Variants in CHAF1B observed in about 807,000 individuals in gnomAD.
The protein encoded by CHAF1B is CAF-1 subunit B.
A neutral mutation model predicts 60.7 loss-of-function variants in CHAF1B; 10 were observed. The ratio of observed to expected loss-of-function variants is 0.16; its 90% CI spans 0.10 to 0.28. CHAF1B has a LOEUF of 0.28. CHAF1B is among the 10% of genes least tolerant of loss of function. The pLI is 1.00. For missense variants in CHAF1B, 558 were observed against 708.4 expected (o/e 0.79, Z 2.41); for synonymous variants, 261 against 266.1 (o/e 0.98, Z 0.19).
intron 8 of CHAF1B, among the ~76,000 whole-genome samples, chr21:36,408,183 C>T (rs988917276): frequency 6.6e-6 from 1 of 152,114 alleles, no homozygotes; most frequent in Non-Finnish European, 1.5e-5. Context: ...CAGGGCTGAA[C>T]TGTTTTAAGT....
chr21:36,412,837 G>A (rs1278357854), intron 11 of CHAF1B, 47 bp from the exon 12 acceptor site: 2 of 1,553,276 alleles, frequency 1.3e-6, no homozygotes, highest in South Asian at 1.2e-5. Flanking sequence ...AAGTAGATGT[G>A]AGAGTGTTGG....
chr21:36,415,223 G>T, intron 12 of CHAF1B, 72 bp from the exon 13 acceptor site: 1 of 894,370 alleles, frequency 1.1e-6, no homozygotes, highest in Non-Finnish European at 1.8e-6. Context: ...TTTGAAGGTT[G>T]GTATCATACA....
intron 7 of CHAF1B, among the ~76,000 whole-genome samples, chr21:36,401,586 A>G (rs1162026638): frequency 1.9e-4 from 22 of 115,402 alleles, no homozygotes; most frequent in Admixed American, 4.0e-4. Context: ...TTTATATTAT[A>G]CATAATATAT....
intron 13 of CHAF1B, chr21:36,415,758 T>C (rs1353134725): frequency 2.4e-6 from 1 of 421,010 alleles, no homozygotes; most frequent in Non-Finnish European, 4.5e-6. Flanking sequence ...CTTTTTTTTT[T>C]TTTCTTTTTT....
intron 8 of CHAF1B, among the ~76,000 whole-genome samples, chr21:36,408,159 G>A (rs746524368): frequency 1.3e-5 from 2 of 152,180 alleles, no homozygotes; most frequent in Non-Finnish European, 2.9e-5. Context: ...AGCAGTGTAT[G>A]ATGGTCACTC....
At chr21:36,408,097 G>C (rs1463935215) in intron 8 of CHAF1B, among the ~76,000 whole-genome samples, 2 of 152,188 alleles carry the variant, frequency 1.3e-5, no homozygotes, top group Non-Finnish European at 2.9e-5. Context: ...AAAGTTACGT[G>C]TGTGTATATG....
At chr21:36,406,386 A>T (rs1021656864) in intron 8 of CHAF1B, among the ~76,000 whole-genome samples, 1 of 152,144 alleles carries the variant, frequency 6.6e-6, no homozygotes, top group Non-Finnish European at 1.5e-5. Flanking sequence ...CCTGAGTTCA[A>T]GTGATTCTTC....
rs762904226 is a variant in CHAF1B at position 36,402,846 on chromosome 21, C to T, written c.752C>T (p.Thr251Met). 1.5e-5 allele frequency: 24 copies of T among 1,613,028 alleles called. No individual in the cohort carries two copies. The highest frequency in any genetic ancestry group is 6.7e-5 in the Admixed American group (4 of 59,978). ...ACTCCCGACGGATCTTTGCTTCTCA[C>T]GCCAGGTGTGTTTCGTAGCTTTGGA... ...SFTPDGSLLL[T>M]PAGCVESGEN... Residue 251 changes from threonine (T) to methionine (M), a missense_variant, in exon 8 of 14, where the codon ACG becomes ATG. Thr to Met is a moderately conservative substitution (Grantham distance 81). This residue lies in a region of CHAF1B where 325 missense variants were observed against 493.5 expected (regional missense o/e 0.66). Coordinates refer to ENST00000314103, the MANE Select transcript of CHAF1B (RefSeq NM_005441.3).
intron 13 of CHAF1B, among the ~76,000 whole-genome samples, chr21:36,416,046 G>T (rs768339344): frequency 1.4e-4 from 22 of 152,084 alleles, no homozygotes; most frequent in African/African-American, 5.1e-4. Flanking sequence ...GAGCCACCGC[G>T]CCCAGCTTGC....
At chr21:36,396,251 C>T (rs2086136590) in intron 5 of CHAF1B, among the ~76,000 whole-genome samples, 2 of 149,834 alleles carry the variant, frequency 1.3e-5, no homozygotes, top group South Asian at 2.1e-4. Context: ...CTGCCTGCGT[C>T]GGCCTCCCAA....
At chr21:36,412,203 G>C (rs1031980762) in intron 11 of CHAF1B, among the ~76,000 whole-genome samples, 1 of 152,162 alleles carries the variant, frequency 6.6e-6, no homozygotes, top group Non-Finnish European at 1.5e-5. Context: ...GCCATTTGGG[G>C]ACTTCTGAGG....
At chr21:36,402,201 C>G (rs540520741) in intron 7 of CHAF1B, among the ~76,000 whole-genome samples, 7 of 152,196 alleles carry the variant, frequency 4.6e-5, no homozygotes, top group Non-Finnish European at 1.0e-4. Context: ...TGCCTGTAGT[C>G]CCAGGAGGCT....
At chr21:36,386,350 C>T (rs2086034092) in intron 2 of CHAF1B, 88 bp downstream of exon 2, 6 of 1,509,934 alleles carry the variant, frequency 4.0e-6, no homozygotes, top group Admixed American at 3.8e-5. Flanking sequence ...CGGCTGGGCG[C>T]GGTGGCTTAC....
Position 36,416,362 on chromosome 21 carries a change from C to G in CHAF1B, c.1676C>G (p.Pro559Arg), listed in dbSNP as rs148277419. ...ENKGGTESLD[P>R] ...AAAGGAGGCACGGAAAGTCTGGACC[C>G]TTGATGGGACCTCGGCTTCTGCTCG... The change falls in exon 14 of 14, where the codon CCT (proline) becomes CGT (arginine). Residue 559 changes from proline (P) to arginine (R), a missense_variant. By Grantham distance (103) the Pro-to-Arg change is moderately radical. This residue lies in a region of CHAF1B where 233 missense variants were observed against 214.9 expected (regional missense o/e 1.08). Transcript: ENST00000314103. 9.3e-6 allele frequency: 15 copies of G among 1,613,280 alleles called. No individual in the cohort carries two copies. The African/African-American group carries it at 1.6e-4, about 17-fold the overall frequency.
In CHAF1B at chr21:36,409,473, C is replaced by G; in HGVS notation, c.919+8C>G. Reference sequence around the variant, plus strand: ...GGCCAGTGGTGGAAACAGGTATCCTCAGAGCCTCAGGGGTGTGTTATGTTT... The same window carrying G: ...GGCCAGTGGTGGAAACAGGTATCCTGAGAGCCTCAGGGGTGTGTTATGTTT... On this transcript the variant is annotated splice_region_variant and intron_variant, in intron 10 of 13. Coordinates refer to ENST00000314103, the MANE Select transcript of CHAF1B (RefSeq NM_005441.3). The G allele has an allele frequency of 1.2e-6, 2 of 1,603,788 alleles. No individual in the cohort carries two copies. Among genetic ancestry groups the G allele is most frequent in the Non-Finnish European group, 1.7e-6 (2 of 1,170,854 alleles).
chr21:36,400,808 C>A (rs931765549), intron 7 of CHAF1B, among the ~76,000 whole-genome samples: 1 of 152,138 alleles, frequency 6.6e-6, no homozygotes, highest in Non-Finnish European at 1.5e-5. Flanking sequence ...AAATAGGACC[C>A]TTTTTGTAAA....
At chr21:36,401,302 A>G (rs1258387212) in intron 7 of CHAF1B, among the ~76,000 whole-genome samples, 1 of 144,878 alleles carries the variant, frequency 6.9e-6, no homozygotes, top group African/African-American at 2.5e-5. Flanking sequence ...GTTTTTGTAT[A>G]TATTATATAT....
chr21:36,416,155 A>G, intron 13 of CHAF1B, 120 bp from the exon 14 acceptor site: 4 of 792,912 alleles, frequency 5.0e-6, no homozygotes, highest in Non-Finnish European at 7.9e-6. Flanking sequence ...CCATTATATC[A>G]GTATAGGATC....
Position 36,387,653 on chromosome 21 carries a change from A to G in CHAF1B, c.182A>G (p.Asn61Ser), listed in dbSNP as rs751430549. 12 of 1,614,056 alleles carry G rather than the reference A, an allele frequency of 7.4e-6. No individual in the cohort carries two copies. Among genetic ancestry groups the G allele is most frequent in the African/African-American group, 5.3e-5 (4 of 74,936 alleles). ...DGKAIVEFLS[N>S]LARHTKAVNV... ...AAAGCCATCGTGGAATTTTTGTCCA[A>G]TCTTGCTCGTCATACCAAAGCCGTC... Residue 61 changes from asparagine (N) to serine (S), a missense_variant, in exon 3 of 14, where the codon AAT becomes AGT. Asn to Ser is a conservative substitution (Grantham distance 46). Transcript: ENST00000314103.
Sources: allele counts gnomAD v4.1 joint callset (sites outside exome capture counted in the v4.1 genomes callset), GRCh38; gene constraint gnomAD v4.1.1; regional missense constraint gnomAD v4.1.1; transcripts MANE v1.5; gene names NCBI Gene and HGNC (gene_info 2026-07-23, HGNC 2026-07-21).